MYT1L: variants seen among roughly 807,000 people sequenced by gnomAD.
The protein encoded by MYT1L is myelin transcription factor 1 like.
Under a neutral mutation model 126.7 loss-of-function variants are expected in MYT1L, and 12 were observed. That is an observed-to-expected ratio of 0.09 (90% CI 0.06 to 0.15). MYT1L has a LOEUF of 0.15. Ranked by LOEUF, MYT1L falls within the 10% of genes least tolerant of loss-of-function variation. The pLI, the probability that MYT1L is intolerant of heterozygous loss-of-function variation, is 1.00. For synonymous variants in MYT1L, 541 were observed against 604.2 expected (o/e 0.90, Z 1.53); for missense variants, 979 against 1,585.2 (o/e 0.62, Z 6.49).
intron 23 of MYT1L, among the ~76,000 whole-genome samples, chr2:1,798,649 C>T (rs995763745): frequency 1.3e-5 from 2 of 152,218 alleles, no homozygotes; most frequent in Non-Finnish European, 2.9e-5. Context: ...CAAGAAAACA[C>T]GGGGTCTGGG....
intron 16 of MYT1L, among the ~76,000 whole-genome samples, chr2:1,888,193 T>C (rs1037507682): frequency 6.6e-6 from 1 of 152,170 alleles, no homozygotes; most frequent in Non-Finnish European, 1.5e-5. Context: ...TGTAGATACA[T>C]GGGAAGGTTT....
chr2:2,299,585 A>G (rs1298083642), intron 1 of MYT1L, among the ~76,000 whole-genome samples: 1 of 152,232 alleles, frequency 6.6e-6, no homozygotes, highest in African/African-American at 2.4e-5. Context: ...ACATTCTTAC[A>G]GCCTTTCTCA....
At chr2:2,187,648 G>T (rs2092306942) in intron 2 of MYT1L, among the ~76,000 whole-genome samples, 3 of 151,930 alleles carry the variant, frequency 2.0e-5, no homozygotes, top group Non-Finnish European at 2.9e-5. Context: ...GTACCTAAAC[G>T]CTGGCTAAAA....
chr2:2,252,668 C>T lies in MYT1L; in HGVS notation c.-421+31736G>A, dbSNP rs183070533. On this transcript the variant is annotated intron_variant, in intron 2 of 24. Transcript: ENST00000647738. ...GGGGAAGACAGCAGCAGGGAGGGCC[C>T]GGCATGCAAAGCTCCCCTGTCCCCA... 1.5e-3 allele frequency among the ~76,000 whole-genome samples: 222 copies of T among 152,272 alleles called. 2 individuals are homozygous for T. The highest frequency in any genetic ancestry group is 4.9e-3 in the African/African-American group (202 of 41,544).
intron 1 of MYT1L, among the ~76,000 whole-genome samples, chr2:2,330,236 A>T (rs886537166): frequency 1.3e-5 from 2 of 152,122 alleles, no homozygotes; most frequent in African/African-American, 4.8e-5. Flanking sequence ...TAACTTAGAA[A>T]TTATTTAGCT....
At chr2:2,101,290 C>G (rs557310829) in intron 3 of MYT1L, among the ~76,000 whole-genome samples, 40 of 152,162 alleles carry the variant, frequency 2.6e-4, no homozygotes, top group African/African-American at 9.2e-4. Flanking sequence ...GGCATGAAAC[C>G]TTCAGCATCA....
intron 8 of MYT1L, among the ~76,000 whole-genome samples, chr2:1,965,582 G>C (rs1051846639): frequency 6.6e-5 from 10 of 152,252 alleles, no homozygotes; most frequent in Non-Finnish European, 1.5e-4. Flanking sequence ...GAGACAGAGG[G>C]GTCCCATCGC....
At chr2:2,217,729 AAAAAG>A (rs2093731605) in intron 2 of MYT1L, among the ~76,000 whole-genome samples, 1 of 145,658 alleles carries the variant, frequency 6.9e-6, no homozygotes, top group South Asian at 2.2e-4. Context: ...AGAAAGAAGG[AAAAAG>A]AAAAGAAAGA....
intron 2 of MYT1L, among the ~76,000 whole-genome samples, chr2:2,221,907 C>A (rs1472607337): frequency 6.6e-6 from 1 of 152,188 alleles, no homozygotes; most frequent in Non-Finnish European, 1.5e-5. Flanking sequence ...AGCTTCGCAG[C>A]ACTTTCTGCT....
At chr2:2,222,731 G>A (rs1298800111) in intron 2 of MYT1L, among the ~76,000 whole-genome samples, 1 of 151,944 alleles carries the variant, frequency 6.6e-6, no homozygotes, top group Non-Finnish European at 1.5e-5. Flanking sequence ...GCCTTCTTGA[G>A]GAGAAGGAAT....
intron 4 of MYT1L, among the ~76,000 whole-genome samples, chr2:2,019,108 G>T (rs940336125): frequency 6.6e-6 from 1 of 152,108 alleles, no homozygotes; most frequent in Non-Finnish European, 1.5e-5. Context: ...TGCCCGATAT[G>T]GTTTCGCTGT....
intron 4 of MYT1L, among the ~76,000 whole-genome samples, chr2:2,000,719 A>G (rs1274092818): frequency 1.3e-5 from 2 of 152,166 alleles, no homozygotes; most frequent in African/African-American, 4.8e-5. Flanking sequence ...GTTTGTGGAC[A>G]CAGAGCCCCA....
chr2:2,168,916 A>G (rs902679421), intron 3 of MYT1L, among the ~76,000 whole-genome samples: 2 of 152,228 alleles, frequency 1.3e-5, no homozygotes, highest in Admixed American at 1.3e-4. Context: ...GGGAGCTGCT[A>G]TCTGAAGGGG....
chr2:2,018,046 G>A (rs542397268), intron 4 of MYT1L, among the ~76,000 whole-genome samples: 1 of 151,996 alleles, frequency 6.6e-6, no homozygotes, highest in African/African-American at 2.4e-5. Flanking sequence ...ACACACAAAC[G>A]CACACACGTA....
At chr2:2,223,317 C>T (rs923751345) in intron 2 of MYT1L, among the ~76,000 whole-genome samples, 5 of 152,308 alleles carry the variant, frequency 3.3e-5, no homozygotes, top group East Asian at 3.9e-4. Context: ...TATTTTTTCA[C>T]ACTAAAGAGA....
chr2:1,827,700 C>G (rs1461878910), intron 21 of MYT1L: 1 of 152,146 alleles, frequency 6.6e-6, no homozygotes, highest in Non-Finnish European at 1.5e-5. Context: ...TGAGTGTGCC[C>G]TGTCTATATA....
intron 5 of MYT1L, among the ~76,000 whole-genome samples, chr2:1,980,608 C>G (rs531711525): frequency 6.6e-6 from 1 of 152,184 alleles, no homozygotes; most frequent in East Asian, 1.9e-4. Context: ...GGGATCTTCA[C>G]AACAATTTTG....
chr2:2,003,725 G>A (rs541645525), intron 4 of MYT1L, among the ~76,000 whole-genome samples: 4 of 152,220 alleles, frequency 2.6e-5, no homozygotes, highest in Admixed American at 6.5e-5. Flanking sequence ...TAGGGCTGCC[G>A]AGCCTCCTCC....
intron 5 of MYT1L, among the ~76,000 whole-genome samples, chr2:1,983,669 C>T (rs1253659073): frequency 6.6e-6 from 1 of 152,212 alleles, no homozygotes; most frequent in Non-Finnish European, 1.5e-5. Context: ...CAGGGCCTGC[C>T]CACCACTGGC....
Sources: allele counts gnomAD v4.1 joint callset (sites outside exome capture counted in the v4.1 genomes callset), GRCh38; gene constraint gnomAD v4.1.1; transcripts MANE v1.5; gene names NCBI Gene and HGNC (gene_info 2026-07-23, HGNC 2026-07-21).